Variants in ELOVL7 observed in about 807,000 individuals in gnomAD.
ELOVL7 encodes the protein very long chain fatty acid elongase 7.
ELOVL7 carries 27 observed loss-of-function variants against 35.7 expected under a neutral mutation model. That is an observed-to-expected ratio of 0.76 (90% confidence interval 0.56 to 1.04). ELOVL7 has a LOEUF of 1.04. ELOVL7 is among the 50% of genes least tolerant of loss of function. The pLI, the probability that ELOVL7 is intolerant of heterozygous loss-of-function variation, is 0.00. For synonymous variants in ELOVL7, 113 were observed against 114.6 expected (o/e 0.99, Z 0.09); for missense variants, 327 against 340.8 (o/e 0.96, Z 0.32).
intron 2 of ELOVL7, among the ~76,000 whole-genome samples, chr5:60,794,434 C>T (rs1218467519): frequency 2.0e-5 from 3 of 152,202 alleles, no homozygotes; most frequent in Non-Finnish European, 4.4e-5. Flanking sequence ...TCTATCTCAA[C>T]AGTGATCAGA....
At position 60,752,546 on chromosome 5, in the gene ELOVL7, G is replaced by A. The variant is rs1741329577; in HGVS notation, c.*2078C>T. The A allele has an allele frequency of 6.6e-6, 1 of 152,560 alleles. No individual in the cohort carries two copies. Among genetic ancestry groups the A allele is most frequent in the Non-Finnish European group, 1.5e-5 (1 of 68,040 alleles). 9.5% of individuals were successfully genotyped at this position (152,560 alleles called of 1,614,324 possible). On this transcript the variant is annotated 3_prime_UTR_variant, in exon 9 of 9. Coordinates refer to ENST00000508821, the MANE Select transcript of ELOVL7 (RefSeq NM_024930.3). ...CATTTTAGCACAGGTTAGATATGAA[G>A]AGCCAAACCTGGAAAACAGTTAAGG...
chr5:60,768,376 C>T (rs1028578022), intron 4 of ELOVL7, among the ~76,000 whole-genome samples: 1 of 152,204 alleles, frequency 6.6e-6, no homozygotes, highest in Non-Finnish European at 1.5e-5. Context: ...TCAATGTACT[C>T]ATAAGATAGC....
At chr5:60,770,147 T>C (rs1334270126) in intron 4 of ELOVL7, among the ~76,000 whole-genome samples, 3 of 152,128 alleles carry the variant, frequency 2.0e-5, no homozygotes, top group Non-Finnish European at 4.4e-5. Context: ...AACTCAAGTA[T>C]TAGCAGTAAA....
At chr5:60,795,905 A>AG (rs1175905831) in intron 2 of ELOVL7, among the ~76,000 whole-genome samples, 1 of 152,244 alleles carries the variant, frequency 6.6e-6, no homozygotes, top group African/African-American at 2.4e-5. Flanking sequence ...TGTGAGGCCA[A>AG]GAACCCCAGG....
intron 6 of ELOVL7, among the ~76,000 whole-genome samples, chr5:60,765,381 T>C (rs560963820): frequency 6.6e-6 from 1 of 152,330 alleles, no homozygotes; most frequent in South Asian, 2.1e-4. Context: ...GGATGCATAT[T>C]ACAATATCCA....
intron 1 of ELOVL7, among the ~76,000 whole-genome samples, chr5:60,830,098 C>T (rs187104093): frequency 6.6e-6 from 1 of 152,270 alleles, no homozygotes; most frequent in East Asian, 1.9e-4. Context: ...ACAACCACAG[C>T]TCAGGGCTCC....
chr5:60,784,785 C>G (rs1289175185), intron 3 of ELOVL7, among the ~76,000 whole-genome samples: 2 of 152,180 alleles, frequency 1.3e-5, no homozygotes, highest in Admixed American at 1.3e-4. Flanking sequence ...TTATGCCTGA[C>G]AGCGTTTTTT....
chr5:60,786,000 C>T (rs1401359247), intron 3 of ELOVL7: 1 of 152,198 alleles, frequency 6.6e-6, no homozygotes, highest in Non-Finnish European at 1.5e-5. Flanking sequence ...GTGTGCATTT[C>T]CTTCCTGAAT....
At chr5:60,789,579 A>G (rs780184273) in intron 2 of ELOVL7, among the ~76,000 whole-genome samples, 1 of 152,214 alleles carries the variant, frequency 6.6e-6, no homozygotes, top group Non-Finnish European at 1.5e-5. Context: ...AAAATTATAA[A>G]TGCATACTTT....
chr5:60,800,030 C>CAAAAA (rs58041305), intron 1 of ELOVL7, among the ~76,000 whole-genome samples: 1 of 86,190 alleles, frequency 1.2e-5, no homozygotes, highest in African/African-American at 4.4e-5. Context: ...AACTCCATCT[C>CAAAAA]AAAAAAAAAA....
chr5:60,818,319 G>GAAAAAAAAAAAAAAAA (rs60141189), intron 1 of ELOVL7, among the ~76,000 whole-genome samples: 1 of 70,592 alleles, frequency 1.4e-5, no homozygotes, highest in African/African-American at 5.5e-5. Context: ...TTCCATCTCA[G>GAAAAAAAAAAAAAAAA]AAAAAAAAAA....
rs1741376684 is a variant in ELOVL7, at chr5:60,753,703, A to G, written c.*921T>C. ...TAATAATATGAACATTTAAGTATCT[A>G]ACCTATATATTTCACCAAGATAATA... On this transcript the variant is annotated 3_prime_UTR_variant, in exon 9 of 9. Coordinates refer to ENST00000508821, the MANE Select transcript of ELOVL7 (RefSeq NM_024930.3). 6.6e-6 allele frequency: 1 copy of G among 152,210 alleles called. No homozygotes were observed. Among genetic ancestry groups the G allele is most frequent in the African/African-American group, 2.4e-5 (1 of 41,454 alleles). 9.4% of individuals were successfully genotyped at this position (152,210 alleles called of 1,614,324 possible).
In ELOVL7 at chr5:60,757,645, C is replaced by A; in HGVS notation, c.500G>T (p.Gly167Val). Residue 167 changes from glycine (G) to valine (V), a missense_variant and splice_region_variant, in exon 8 of 9, where the codon GGT becomes GTT. Gly to Val is a moderately radical substitution (Grantham distance 109). Transcript: ENST00000508821. Reference sequence around the variant, plus strand: ...AAGGGCATGGAATGTTCCCAAACCACCTGGAAAATAAAATTATTGTAACAT... The same window carrying A: ...AAGGGCATGGAATGTTCCCAAACCAACTGGAAAATAAAATTATTGTAACAT... ...TWWFGVKFAA[G>V]GLGTFHALLN... The A allele has an allele frequency of 6.5e-7, 1 of 1,530,282 alleles. No homozygotes were observed. The highest frequency in any genetic ancestry group is 8.9e-7 in the Non-Finnish European group (1 of 1,127,536). The allele number at this position is 1,530,282 out of a possible 1,614,324, so 94.8% of individuals were successfully genotyped here.
At chr5:60,805,792 A>G (rs1284287182) in intron 1 of ELOVL7, among the ~76,000 whole-genome samples, 1 of 152,216 alleles carries the variant, frequency 6.6e-6, no homozygotes, top group East Asian at 1.9e-4. Flanking sequence ...CTTCCTGTAT[A>G]TAGTATTGCA....
At chr5:60,832,538 G>A (rs1461456014) in intron 1 of ELOVL7, among the ~76,000 whole-genome samples, 4 of 152,106 alleles carry the variant, frequency 2.6e-5, no homozygotes, top group Admixed American at 2.6e-4. Context: ...GCTAATTTTT[G>A]TATTTTTAGT....
chr5:60,771,918 C>T lies in ELOVL7; in HGVS notation c.240G>A (p.Val80=), dbSNP rs772890753. 2 of 1,610,332 alleles carry T rather than the reference C, an allele frequency of 1.2e-6. No homozygotes were observed. Among genetic ancestry groups the T allele is most frequent in the African/African-American group, 1.3e-5 (1 of 74,746 alleles). The change falls in exon 4 of 9, where the codon GTG becomes GTA. Residue 80 remains valine (V), a synonymous_variant. Coordinates refer to ENST00000508821, the MANE Select transcript of ELOVL7 (RefSeq NM_024930.3). ...AGACACTTGCCTCATAACACATATA[C>T]ACAGAAAAGAGTACTATGAAAAAAT... ...TYNFFIVLFS[V]YMCYEFVMSG...
chr5:60,800,546 C>CT (rs1255820367), intron 1 of ELOVL7, among the ~76,000 whole-genome samples: 10 of 152,208 alleles, frequency 6.6e-5, no homozygotes, highest in African/African-American at 2.4e-4. Flanking sequence ...AGCTTTTCCT[C>CT]TAAGATCAAG....
At chr5:60,788,835 T>G (rs1444257408) in intron 2 of ELOVL7, among the ~76,000 whole-genome samples, 1 of 152,016 alleles carries the variant, frequency 6.6e-6, no homozygotes, top group East Asian at 1.9e-4. Flanking sequence ...AAATTCAGAC[T>G]TTCCTCTGGA....
chr5:60,809,027 A>G (rs2112313180), intron 1 of ELOVL7, among the ~76,000 whole-genome samples: 1 of 152,310 alleles, frequency 6.6e-6, no homozygotes, highest in African/African-American at 2.4e-5. Context: ...TGTTATGAGA[A>G]CAAAATGGTT....
Sources: allele counts gnomAD v4.1 joint callset (sites outside exome capture counted in the v4.1 genomes callset), GRCh38; gene constraint gnomAD v4.1.1; transcripts MANE v1.5; gene names NCBI Gene and HGNC (gene_info 2026-07-23, HGNC 2026-07-21).